SFXN2: variants seen among roughly 807,000 people sequenced by gnomAD.
The protein encoded by SFXN2 is sideroflexin 2, also known as sideroflexin-2.
In SFXN2, 37 loss-of-function variants were observed where a neutral mutation model predicts 41.9. The ratio of observed to expected loss-of-function variants is 0.88; its 90% CI spans 0.68 to 1.16. The LOEUF (loss-of-function observed/expected upper bound fraction) is 1.16. Ranked by LOEUF, SFXN2 falls within the 50% of genes most tolerant of loss-of-function variation. The pLI, the probability that SFXN2 is intolerant of heterozygous loss-of-function variation, is 0.00. For synonymous variants in SFXN2, 150 were observed against 156.7 expected, an observed-to-expected ratio of 0.96 and a Z score of 0.32; for missense variants, 386 against 425.2, an observed-to-expected ratio of 0.91 and a Z score of 0.81.
At chr10:102,733,687 C>T (rs11191381) in intron 10 of SFXN2, 84 bp downstream of exon 10, 324,009 of 1,159,052 alleles carry the variant, frequency 0.28, 49,745 homozygotes, top group Non-Finnish European at 0.33. Context: ...TGTTGGAGAA[C>T]GTGTACTCCT....
At chr10:102,732,812 G>A in intron 8 of SFXN2, 47 bp from the exon 9 acceptor site, 5 of 1,607,488 alleles carry the variant, frequency 3.1e-6, no homozygotes, top group African/African-American at 2.7e-5. Flanking sequence ...GGAGTCCTGG[G>A]GAGAGCCTCC....
intron 1 of SFXN2, among the ~76,000 whole-genome samples, chr10:102,716,079 C>A (rs527903832): frequency 2.0e-5 from 3 of 152,268 alleles, no homozygotes; most frequent in African/African-American, 7.2e-5. Flanking sequence ...ATAATCTACT[C>A]ATCTCCAGAC....
At chr10:102,736,033 T>C in intron 11 of SFXN2, 124 bp downstream of exon 11, 1 of 952,662 alleles carries the variant, frequency 1.0e-6, no homozygotes, top group Non-Finnish European at 1.7e-6. Context: ...TGAGGACAAG[T>C]GTCCATCAGC....
intron 1 of SFXN2, among the ~76,000 whole-genome samples, chr10:102,722,580 G>T (rs1407080046): frequency 6.6e-6 from 1 of 152,098 alleles, no homozygotes; most frequent in African/African-American, 2.4e-5. Context: ...TGTCGTGCAG[G>T]CTGGAGTGCA....
chr10:102,731,932 T>C, intron 7 of SFXN2, 149 bp downstream of exon 7: 4 of 809,202 alleles, frequency 4.9e-6, no homozygotes, highest in Non-Finnish European at 7.9e-6. Flanking sequence ...CCCATGTTTC[T>C]CTGTTCAGAA....
At chr10:102,724,217 G>A (rs2064555198) in intron 1 of SFXN2, among the ~76,000 whole-genome samples, 1 of 152,200 alleles carries the variant, frequency 6.6e-6, no homozygotes, top group Non-Finnish European at 1.5e-5. Flanking sequence ...ATTCCATGGT[G>A]TACATATACC....
rs113603658 is a variant in SFXN2, at chr10:102,737,803, C to A, written c.*41C>A. ...AAGGACCAGTCTATTCCCATATTCA[C>A]CAGCTCCTCCTTAGCTACGTGCACA... On this transcript the variant is annotated 3_prime_UTR_variant, in exon 12 of 12. Transcript: ENST00000369893. 832 of 1,385,900 alleles carry A rather than the reference C, an allele frequency of 6.0e-4. 4 individuals carry two copies. The African/African-American group carries it at 9.0e-3, about 15-fold the overall frequency. 85.9% of individuals were successfully genotyped at this position (1,385,900 alleles called of 1,614,324 possible).
intron 1 of SFXN2, among the ~76,000 whole-genome samples, chr10:102,721,223 T>TTA (rs1040942671): frequency 6.6e-6 from 1 of 151,914 alleles, no homozygotes; most frequent in African/African-American, 2.4e-5. Flanking sequence ...TACGTCAGCA[T>TTA]TATATATATT....
intron 1 of SFXN2, chr10:102,716,097 C>T (rs1438069777): frequency 6.6e-6 from 1 of 152,048 alleles, no homozygotes; most frequent in Non-Finnish European, 1.5e-5. Context: ...GACTGTTGGC[C>T]CTTTTGTGAA....
At position 102,732,898 on chromosome 10, in the gene SFXN2, A is replaced by C. The variant is rs768103711; in HGVS notation, c.761A>C (p.His254Pro). 25 of 1,613,828 alleles carry C rather than the reference A, an allele frequency of 1.5e-5. No individual in the cohort carries two copies. The highest frequency in any genetic ancestry group is 2.2e-5 in the South Asian group (2 of 91,078). Residue 254 changes from histidine (H) to proline (P), a missense_variant, in exon 9 of 12, where the codon CAC becomes CCC. Coordinates refer to ENST00000369893, the MANE Select transcript of SFXN2 (RefSeq NM_178858.6). ...PVIMERLEKL[H>P]FMQKVKVLHA... ...ATCATGGAAAGGCTTGAGAAATTGC[A>C]CTTCATGCAGGTATGTAGGGTTTGC...
rs780988326 is a variant in SFXN2, at chr10:102,726,650, T to C, written c.14T>C (p.Leu5Pro). ...TGTGTGAGCAAGATGGAGGCTGACC[T>C]GTCTGGCTTTAACATCGATGCCCCC... MEAD[L>P]SGFNIDAPRW... is the part of the protein sequence containing the mutation. The change falls in exon 2 of 12, where the codon CTG (leucine) becomes CCG (proline). Residue 5 changes from leucine to proline, a missense_variant. Coordinates refer to ENST00000369893, the MANE Select transcript of SFXN2 (RefSeq NM_178858.6). 2.5e-6 allele frequency: 4 copies of C among 1,614,210 alleles called. No individual in the cohort carries two copies. Among genetic ancestry groups the C allele is most frequent in the Non-Finnish European group, 3.4e-6 (4 of 1,180,038 alleles).
In SFXN2 at chr10:102,740,829, CA is replaced by C. The variant is rs1321814117; in HGVS notation, c.*3070del. ...GGAGACCTGGCTTTATTTCCAAAAG[CA>C]AATAGGAAAAGGGAAACATTACCAG... On this transcript the variant is annotated 3_prime_UTR_variant, in exon 12 of 12. Coordinates refer to ENST00000369893, the MANE Select transcript of SFXN2 (RefSeq NM_178858.6). 12 of 152,134 alleles carry C rather than the reference CA, an allele frequency of 7.9e-5. No homozygotes were observed. The highest frequency in any genetic ancestry group is 7.9e-4 in the Admixed American group (12 of 15,258). 9.4% of individuals were successfully genotyped at this position (152,134 alleles called of 1,614,324 possible).
Position 102,729,315 on chromosome 10 carries a change from C to G in SFXN2, c.432-4C>G. ...CACTCCCAAGCATCTCTCTCCTCCC[C>G]CAGGCAGATGGCCCTTTCCTACTTC... On this transcript the variant is annotated splice_polypyrimidine_tract_variant and splice_region_variant and intron_variant, in intron 4 of 11. Coordinates refer to ENST00000369893, the MANE Select transcript of SFXN2 (RefSeq NM_178858.6). 6.2e-7 allele frequency: 1 copy of G among 1,614,096 alleles called. No homozygotes were observed. The highest frequency in any genetic ancestry group is 1.3e-5 in the African/African-American group (1 of 75,066).
chr10:102,737,812 C>A lies in SFXN2; in HGVS notation c.*50C>A, dbSNP rs749872997. On this transcript the variant is annotated 3_prime_UTR_variant, in exon 12 of 12. Coordinates refer to ENST00000369893, the MANE Select transcript of SFXN2 (RefSeq NM_178858.6). ...TCTATTCCCATATTCACCAGCTCCT[C>A]CTTAGCTACGTGCACACTTGTGTCC... 11 of 1,320,840 alleles carry A rather than the reference C, an allele frequency of 8.3e-6. No individual in the cohort carries two copies. The highest frequency in any genetic ancestry group is 1.2e-5 in the Non-Finnish European group (11 of 921,246). 81.8% of individuals were successfully genotyped at this position (1,320,840 alleles called of 1,614,324 possible). A position where few individuals can be genotyped will look rare whatever the true frequency, so the allele number is the denominator to read the frequency against.
Position 102,734,970 on chromosome 10 carries a change from G to A in SFXN2, c.822-892G>A, listed in dbSNP as rs905693824. Among the ~76,000 whole-genome samples, 7 of 152,068 alleles carry A rather than the reference G, an allele frequency of 4.6e-5. No individual in the cohort carries two copies. The highest frequency in any genetic ancestry group is 1.2e-4 in the African/African-American group (5 of 41,390). On this transcript the variant is annotated intron_variant, in intron 10 of 11. Transcript: ENST00000369893. The surrounding 1 kb of genome is among the most constrained non-coding windows in gnomAD (Gnocchi z 4.1). ...CTGAAGTTATATGCACAGTGAAGCT[G>A]GAGAAACTGCCTTTCACTGTGCTCT...
rs576506187 is a variant in SFXN2, at chr10:102,728,439, C to T, written c.341C>T (p.Pro114Leu). ...GFMLQFYRTM[P>L]AVIFWQWVNQ... ...GCCTTCCTCACTGGTAGGACGATGC[C>T]GGCGGTGATCTTCTGGCAGTGGGTG... Residue 114 changes from proline (P) to leucine (L), a missense_variant, in exon 4 of 12, where the codon CCG becomes CTG. Coordinates refer to ENST00000369893, the MANE Select transcript of SFXN2 (RefSeq NM_178858.6). 85 of 1,614,090 alleles carry T rather than the reference C, an allele frequency of 5.3e-5. No homozygotes were observed. The Middle Eastern group carries it at 9.9e-4, about 19-fold the overall frequency.
chr10:102,729,313 C>T lies in SFXN2; in HGVS notation c.432-6C>T, dbSNP rs142955992. On this transcript the variant is annotated splice_polypyrimidine_tract_variant and splice_region_variant and intron_variant, in intron 4 of 11. Transcript: ENST00000369893. The stretch of plus-strand genomic sequence containing the variant: ...CCCACTCCCAAGCATCTCTCTCCTC[C>T]CCCAGGCAGATGGCCCTTTCCTACT... 282 of 1,614,086 alleles carry T rather than the reference C, an allele frequency of 1.7e-4. 1 individual carries two copies. The African/African-American group carries it at 3.4e-3, about 19-fold the overall frequency.
chr10:102,719,109 G>C (rs1009097856), intron 1 of SFXN2, among the ~76,000 whole-genome samples: 1 of 146,822 alleles, frequency 6.8e-6, no homozygotes, highest in Non-Finnish European at 1.5e-5. Flanking sequence ...ATTTTTAGTA[G>C]AGACAGGGTT....
intron 3 of SFXN2, among the ~76,000 whole-genome samples, 169 bp downstream of exon 3, chr10:102,727,326 A>G (rs187623648): frequency 1.3e-5 from 2 of 152,136 alleles, no homozygotes; most frequent in Admixed American, 1.3e-4. Flanking sequence ...CAACAACCCT[A>G]CACTATAGGT....
Sources: gnomAD v4.1 joint callset for allele counts (sites outside exome capture counted in the v4.1 genomes callset) on GRCh38, gnomAD v4.1.1 for gene constraint, Gnocchi (gnomAD v3.1) non-coding constraint, MANE v1.5 for transcripts, NCBI Gene and HGNC (gene_info 2026-07-23, HGNC 2026-07-21) for gene names.